The following CTNND2 variants were observed in gnomAD, a reference collection of about 807,000 sequenced individuals.
CTNND2 encodes the protein catenin delta 2.
A neutral mutation model predicts 144.4 loss-of-function variants in CTNND2; 22 were observed. The ratio of observed to expected loss-of-function variants is 0.15; its 90% confidence interval spans 0.11 to 0.22. CTNND2 has a LOEUF of 0.22. CTNND2 is among the 10% of genes least tolerant of loss of function. CTNND2 has a pLI of 1.00. For missense variants in CTNND2, 1,353 were observed against 1,618.8 expected, an observed-to-expected ratio of 0.84 and a Z score of 2.82; for synonymous variants, 751 against 695.6, an observed-to-expected ratio of 1.08 and a Z score of -1.25.
chr5:11,876,434 G>A (rs1036942198), intron 1 of CTNND2, among the ~76,000 whole-genome samples: 4 of 152,192 alleles, frequency 2.6e-5, no homozygotes, highest in Admixed American at 6.5e-5. Context: ...ACAATTCACA[G>A]AGAAGAATTC....
chr5:11,043,787 T>C (rs1045804279), intron 16 of CTNND2, among the ~76,000 whole-genome samples: 3 of 152,168 alleles, frequency 2.0e-5, no homozygotes, highest in African/African-American at 7.2e-5. Context: ...GGGATTTCAC[T>C]TGTAGCAAAG....
intron 1 of CTNND2, among the ~76,000 whole-genome samples, chr5:11,881,052 T>C (rs1384680174): frequency 6.7e-6 from 1 of 149,278 alleles, no homozygotes; most frequent in African/African-American, 2.4e-5. Context: ...CTACTACTAC[T>C]ACCACTACTA....
chr5:11,598,452 T>A (rs975455029), intron 2 of CTNND2, among the ~76,000 whole-genome samples: 1 of 152,110 alleles, frequency 6.6e-6, no homozygotes, highest in African/African-American at 2.4e-5. Context: ...ACCACCATGG[T>A]TTTGTCAACC....
chr5:11,322,497 G>C (rs1752133806), intron 9 of CTNND2, among the ~76,000 whole-genome samples: 1 of 152,118 alleles, frequency 6.6e-6, no homozygotes, highest in South Asian at 2.1e-4. Context: ...TCCCACACAA[G>C]AGTTCCACTG....
rs376600905 is a variant in CTNND2, at chr5:11,676,351, T to C, written c.174+55785A>G. On this transcript the variant is annotated intron_variant, in intron 2 of 21. Transcript: ENST00000304623. ...AGGTGAGAAATTCTTAGCATCCTGG[T>C]AGTGATTTACACGTATCATATATCT... 3.3e-5 allele frequency among the ~76,000 whole-genome samples: 5 copies of C among 152,208 alleles called. No homozygotes were observed. In the East Asian group the frequency reaches 7.7e-4, roughly 24 times the overall value.
chr5:11,549,422 C>T (rs1056165950), intron 3 of CTNND2, among the ~76,000 whole-genome samples: 1 of 152,170 alleles, frequency 6.6e-6, no homozygotes, highest in Non-Finnish European at 1.5e-5. Flanking sequence ...TACTCCTATA[C>T]ATTTGTCCTT....
intron 11 of CTNND2, among the ~76,000 whole-genome samples, chr5:11,178,205 C>T (rs904765936): frequency 3.3e-5 from 5 of 152,260 alleles, no homozygotes; most frequent in African/African-American, 7.2e-5. Context: ...TTAAGCAAGT[C>T]TTACTATGAA....
intron 2 of CTNND2, among the ~76,000 whole-genome samples, chr5:11,650,583 AT>A: frequency 6.6e-6 from 1 of 152,192 alleles, no homozygotes; most frequent in East Asian, 1.9e-4. Context: ...GAGATTTGTT[AT>A]ATTGTTGTGA....
In CTNND2 at chr5:11,456,289, AT is replaced by A. The variant is rs989108456; in HGVS notation, c.288-44221del. On this transcript the variant is annotated intron_variant, in intron 3 of 21. Transcript: ENST00000304623. ...ACAATGTTGGTTTTACCCACATATA[AT>A]TTTTTTTTCTTTTGCCTTTTTGATG... 4.3e-4 allele frequency among the ~76,000 whole-genome samples: 63 copies of A among 147,082 alleles called. 1 individual carries two copies. Among genetic ancestry groups the A allele is most frequent in the African/African-American group, 1.2e-3 (48 of 39,988 alleles).
intron 1 of CTNND2, among the ~76,000 whole-genome samples, chr5:11,856,920 T>C (rs190718756): frequency 2.6e-4 from 39 of 152,322 alleles, no homozygotes; most frequent in South Asian, 1.9e-3. Flanking sequence ...AATAATTATA[T>C]AAGATTATTT....
intron 1 of CTNND2, among the ~76,000 whole-genome samples, chr5:11,834,180 T>C (rs1275207261): frequency 6.6e-6 from 1 of 152,160 alleles, no homozygotes; most frequent in Admixed American, 6.5e-5. Context: ...GCATTCTTAA[T>C]AACTGCACCA....
chr5:11,638,365 A>T (rs890790050), intron 2 of CTNND2, among the ~76,000 whole-genome samples: 2 of 152,156 alleles, frequency 1.3e-5, no homozygotes, highest in African/African-American at 2.4e-5. Flanking sequence ...ATTGCTTTAT[A>T]AAAAAATAGC....
chr5:11,396,939 G>T, intron 6 of CTNND2, 92 bp downstream of exon 6: 3 of 1,297,546 alleles, frequency 2.3e-6, no homozygotes, highest in Non-Finnish European at 3.1e-6. Context: ...AAAAAGGCAG[G>T]CTGGATCTCC....
intron 1 of CTNND2, among the ~76,000 whole-genome samples, chr5:11,776,341 T>A (rs1561787288): frequency 6.6e-6 from 1 of 152,100 alleles, no homozygotes; most frequent in Non-Finnish European, 1.5e-5. Flanking sequence ...ATAGCCAACC[T>A]CTGTAAGATA....
chr5:10,977,866 G>A (rs1400308170), intron 21 of CTNND2, among the ~76,000 whole-genome samples: 2 of 152,202 alleles, frequency 1.3e-5, no homozygotes, highest in African/African-American at 4.8e-5. Flanking sequence ...TAAGCTCAGA[G>A]TTCACTGAAA....
chr5:11,055,420 G>T (rs565874223), intron 16 of CTNND2, among the ~76,000 whole-genome samples: 1 of 152,180 alleles, frequency 6.6e-6, no homozygotes, highest in Non-Finnish European at 1.5e-5. Flanking sequence ...TATCAGAACT[G>T]CCATACCCCC....
intron 19 of CTNND2, among the ~76,000 whole-genome samples, chr5:10,991,713 G>C (rs147723574): frequency 6.6e-6 from 1 of 152,318 alleles, no homozygotes; most frequent in African/African-American, 2.4e-5. Flanking sequence ...TGACATGGAA[G>C]TTATAGTTGG....
intron 1 of CTNND2, among the ~76,000 whole-genome samples, chr5:11,803,259 G>T (rs1432742653): frequency 6.6e-6 from 1 of 152,042 alleles, no homozygotes; most frequent in African/African-American, 2.4e-5. Context: ...GTCGGAGGTT[G>T]CAGTGAGCTG....
intron 12 of CTNND2, among the ~76,000 whole-genome samples, chr5:11,151,675 G>T (rs1308523060): frequency 2.6e-5 from 4 of 152,186 alleles, no homozygotes; most frequent in Non-Finnish European, 5.9e-5. Context: ...ACAAATCTCA[G>T]TTGGAGTGTG....
Sources: allele counts gnomAD v4.1 joint callset (sites outside exome capture counted in the v4.1 genomes callset), GRCh38; gene constraint gnomAD v4.1.1; transcripts MANE v1.5; gene names NCBI Gene and HGNC (gene_info 2026-07-23, HGNC 2026-07-21).